The following MCTP1 variants were observed in gnomAD, a reference collection of about 807,000 sequenced individuals.
MCTP1 encodes the protein multiple C2 and transmembrane domain containing 1.
In MCTP1, 69 loss-of-function variants were observed where a neutral mutation model predicts 120.6. The ratio of observed to expected loss-of-function variants is 0.57; its 90% confidence interval spans 0.47 to 0.70. The LOEUF (loss-of-function observed/expected upper bound fraction) is 0.70, where lower values mean the gene tolerates loss of function less well. Ranked by LOEUF, MCTP1 falls within the 30% of genes least tolerant of loss-of-function variation. MCTP1 has a pLI of 0.00. For missense variants in MCTP1, 1,203 were observed against 1,248.8 expected, an observed-to-expected ratio of 0.96 and a Z score of 0.55; for synonymous variants, 529 against 493.1, an observed-to-expected ratio of 1.07 and a Z score of -0.96.
intron 19 of MCTP1, among the ~76,000 whole-genome samples, chr5:94,715,382 AAAAAAAAC>A (rs1561516764): frequency 1.3e-5 from 2 of 150,920 alleles, no homozygotes; most frequent in Non-Finnish European, 3.0e-5. Context: ...AAAAAAAAAA[AAAAAAAAC>A]ACCACCACCA....
rs1748849935 is a variant in MCTP1 at position 95,183,511 on chromosome 5, T to C, written c.720+100345A>G. ...ATTAAAACTTTTACTTTTCAAAGGA[T>C]ATCAAGAAAATGCAAAGGAAAGCCA... On this transcript the variant is annotated intron_variant, in intron 1 of 22. Transcript: ENST00000515393. Among the ~76,000 whole-genome samples the C allele has an allele frequency of 2.0e-5, 3 of 152,114 alleles. No individual in the cohort carries two copies. In the South Asian group the frequency reaches 6.2e-4, roughly 32 times the overall value.
chr5:95,245,901 A>T (rs1756716007), intron 1 of MCTP1, among the ~76,000 whole-genome samples: 1 of 152,214 alleles, frequency 6.6e-6, no homozygotes, highest in South Asian at 2.1e-4. Context: ...GGTTGAAATG[A>T]AGGAAAAAAT....
intron 1 of MCTP1, among the ~76,000 whole-genome samples, chr5:95,035,194 A>G (rs1005054263): frequency 7.9e-5 from 12 of 152,058 alleles, no homozygotes; most frequent in African/African-American, 2.9e-4. Context: ...TAAAGCTTCC[A>G]TTTGACCTAA....
chr5:94,949,544 G>A (rs1819954055), intron 3 of MCTP1, among the ~76,000 whole-genome samples: 1 of 151,490 alleles, frequency 6.6e-6, no homozygotes, highest in South Asian at 2.1e-4. Flanking sequence ...TTTAATGACA[G>A]TTCCAAGATT....
chr5:95,181,603 TGAGA>T (rs111990126), intron 1 of MCTP1, among the ~76,000 whole-genome samples: 10 of 149,256 alleles, frequency 6.7e-5, no homozygotes, highest in Admixed American at 4.0e-4. Context: ...ATACACAGGG[TGAGA>T]GAGAGAGAGA....
intron 1 of MCTP1, among the ~76,000 whole-genome samples, chr5:95,109,534 T>C (rs1757311904): frequency 1.3e-5 from 2 of 152,140 alleles, no homozygotes; most frequent in African/African-American, 4.8e-5. Context: ...TTACAGAGTT[T>C]TCTAACCATA....
chr5:95,069,268 T>G lies in MCTP1; in HGVS notation c.721-51784A>C, dbSNP rs73777424. Among the ~76,000 whole-genome samples, 805 of 152,336 alleles carry G rather than the reference T, an allele frequency of 5.3e-3. 6 individuals are homozygous for G. The highest frequency in any genetic ancestry group is 0.018 in the African/African-American group (742 of 41,576). ...GATGAGTGAAATTGACCATAAACTA[T>G]CTACATAGCATAAACATTTGTACGT... On this transcript the variant is annotated intron_variant, in intron 1 of 22. Transcript: ENST00000515393.
intron 18 of MCTP1, among the ~76,000 whole-genome samples, chr5:94,787,893 G>A (rs1451068688): frequency 6.6e-6 from 1 of 152,104 alleles, no homozygotes; most frequent in Non-Finnish European, 1.5e-5. Context: ...ACTCCAACAA[G>A]GTACCTATTG....
intron 4 of MCTP1, among the ~76,000 whole-genome samples, chr5:94,940,757 C>T (rs1057325621): frequency 6.0e-5 from 9 of 150,944 alleles, no homozygotes; most frequent in Non-Finnish European, 1.2e-4. Flanking sequence ...TTAATGATTA[C>T]ATGATAAAAA....
At chr5:95,206,828 G>A (rs557372696) in intron 1 of MCTP1, among the ~76,000 whole-genome samples, 1 of 152,134 alleles carries the variant, frequency 6.6e-6, no homozygotes, top group Admixed American at 6.5e-5. Context: ...GAGCCACCAT[G>A]CCTGTCCATT....
At chr5:94,868,283 G>A (rs746612716) in intron 17 of MCTP1, 50 bp downstream of exon 17, 2 of 1,508,854 alleles carry the variant, frequency 1.3e-6, no homozygotes, top group Non-Finnish European at 1.8e-6. Flanking sequence ...ATGCAGCTAT[G>A]ATTACTGAAT....
chr5:94,906,144 T>C (rs1262919563), intron 10 of MCTP1, among the ~76,000 whole-genome samples: 3 of 152,118 alleles, frequency 2.0e-5, no homozygotes, highest in Non-Finnish European at 4.4e-5. Context: ...GGAGTAGTTT[T>C]GGTGGCTTGT....
At position 94,909,297 on chromosome 5, in the gene MCTP1, T is replaced by C. The variant is rs1388455952; in HGVS notation, c.1606A>G (p.Thr536Ala). 16 of 1,610,866 alleles carry C rather than the reference T, an allele frequency of 9.9e-6. No homozygotes were observed. Among genetic ancestry groups the C allele is most frequent in the Non-Finnish European group, 1.3e-5 (15 of 1,178,630 alleles). ...YEERGGVIDITAWDKDAGKRD... is the reference protein window; with the variant it reads ...YEERGGVIDIAAWDKDAGKRD... ...TTCCCAGCATCTTTGTCCCATGCAG[T>C]GATATCAATGACTCCTCCTCTTTCT... The change falls in exon 10 of 23, where the codon ACT becomes GCT. Residue 536 changes from threonine (T) to alanine (A), a missense_variant. By Grantham distance (58) the Thr-to-Ala change is moderately conservative (BLOSUM62 0). This residue lies in a region of MCTP1 where 740 missense variants were observed against 871.1 expected (regional missense o/e 0.85). Transcript: ENST00000515393.
At chr5:94,958,964 C>T (rs932674591) in intron 2 of MCTP1, among the ~76,000 whole-genome samples, 3 of 151,972 alleles carry the variant, frequency 2.0e-5, no homozygotes, top group African/African-American at 4.8e-5. Context: ...AGAGACACAA[C>T]AAAAAAAGGA....
At chr5:94,717,854 C>G (rs2152587954) in intron 19 of MCTP1, among the ~76,000 whole-genome samples, 1 of 152,220 alleles carries the variant, frequency 6.6e-6, no homozygotes, top group African/African-American at 2.4e-5. Flanking sequence ...CAAACCACTG[C>G]TCAAGGAAAT....
chr5:95,133,259 A>T (rs564662682), intron 1 of MCTP1, among the ~76,000 whole-genome samples: 5 of 152,368 alleles, frequency 3.3e-5, no homozygotes, highest in African/African-American at 9.6e-5. Flanking sequence ...GAAACCATGG[A>T]TAGCACTGAA....
At chr5:94,968,323 CAAG>C (rs1213999119) in intron 2 of MCTP1, among the ~76,000 whole-genome samples, 1 of 152,006 alleles carries the variant, frequency 6.6e-6, no homozygotes, top group Non-Finnish European at 1.5e-5. Flanking sequence ...TATGACTTTC[CAAG>C]AAGGAGGCTT....
intron 1 of MCTP1, among the ~76,000 whole-genome samples, chr5:95,049,745 A>G (rs971896338): frequency 3.3e-5 from 5 of 152,196 alleles, no homozygotes; most frequent in African/African-American, 7.2e-5. Flanking sequence ...TCATCAAACC[A>G]GCACTGTAGT....
intron 1 of MCTP1, among the ~76,000 whole-genome samples, chr5:95,207,593 A>C (rs572889905): frequency 4.1e-4 from 63 of 152,328 alleles, no homozygotes; most frequent in African/African-American, 1.4e-3. Context: ...AATGAGTGTT[A>C]TCAGAGTGAG....
Sources: allele counts gnomAD v4.1 joint callset (sites outside exome capture counted in the v4.1 genomes callset), GRCh38; gene constraint gnomAD v4.1.1; regional missense constraint gnomAD v4.1.1; transcripts MANE v1.5; gene names NCBI Gene and HGNC (gene_info 2026-07-23, HGNC 2026-07-21).